C4orf50: variants seen among roughly 807,000 people sequenced by gnomAD.
C4orf50 encodes chromosome 4 open reading frame 50.
Under a neutral mutation model 77.2 loss-of-function variants are expected in C4orf50, and 80 were observed. The ratio of observed to expected loss-of-function variants is 1.04; its 90% CI spans 0.87 to 1.25. The LOEUF (loss-of-function observed/expected upper bound fraction) is 1.25. Ranked by LOEUF, C4orf50 falls within the 50% of genes most tolerant of loss-of-function variation. C4orf50 has a pLI of 0.00. For missense variants in C4orf50, 1,257 were observed against 1,152.9 expected, an observed-to-expected ratio of 1.09 and a Z score of -1.31; for synonymous variants, 532 against 465.3, an observed-to-expected ratio of 1.14 and a Z score of -1.84.
In C4orf50 at chr4:5,986,624, C is replaced by T. The variant is rs368839609; in HGVS notation, c.3699+1723G>A. ...CACAATCTCGGCTCACTGCAACCTC[C>T]GCCTCCCAGGTTCAAGCAATTCTCC... On this transcript the variant is annotated intron_variant, in intron 28 of 33. Coordinates refer to ENST00000531445, the Ensembl canonical transcript of C4orf50. Among the ~76,000 whole-genome samples, 8 of 151,618 alleles carry T rather than the reference C, an allele frequency of 5.3e-5. No individual in the cohort carries two copies. In the East Asian group the frequency reaches 5.8e-4, roughly 11 times the overall value.
At chr4:5,976,931 GTGGCCCTGAGGCCTTTGTGGGCC>G (rs1357756916) in intron 29 of C4orf50, among the ~76,000 whole-genome samples, 1 of 152,264 alleles carries the variant, frequency 6.6e-6, no homozygotes, top group African/African-American at 2.4e-5. Flanking sequence ...TGCAGTGGAA[GTGGCCCTGAGGCCTTTGTGGGCC>G]TGGCACTGAA....
intron 33 of C4orf50, among the ~76,000 whole-genome samples, chr4:5,964,700 A>T (rs1170860652): frequency 6.9e-6 from 1 of 144,636 alleles, no homozygotes; most frequent in Non-Finnish European, 1.5e-5. Flanking sequence ...ACCAGGAGGC[A>T]GAGGTTGCAG....
In C4orf50 at chr4:5,908,072, T is replaced by A. The variant is rs1016440911; in HGVS notation, c.*2475-9884A>T. 1.3e-5 allele frequency among the ~76,000 whole-genome samples: 2 copies of A among 151,588 alleles called. No individual in the cohort carries two copies. Among genetic ancestry groups the A allele is most frequent in the African/African-American group, 4.8e-5 (2 of 41,398 alleles). On this transcript the variant is annotated intron_variant, in intron 7 of 7. Transcript: ENST00000324058. This position sits in a 1 kb window ranked among gnomAD's most constrained non-coding sequence, Gnocchi z 5.6. Reference sequence around the variant, plus strand: ...TCATTCATTCATTCATTTGCTTGTTTATTCATTCACTCATTTATTTGCTCA... The same window carrying A: ...TCATTCATTCATTCATTTGCTTGTTAATTCATTCACTCATTTATTTGCTCA...
At chr4:5,979,286 T>A (rs1720443443) in intron 29 of C4orf50, among the ~76,000 whole-genome samples, 1 of 152,230 alleles carries the variant, frequency 6.6e-6, no homozygotes, top group South Asian at 2.1e-4. Flanking sequence ...GGAAACAACT[T>A]GAATTTCCAC....
chr4:5,958,291 G>C lies in C4orf50; in HGVS notation c.*1084C>G, dbSNP rs112890909. On this transcript the variant is annotated 3_prime_UTR_variant, in exon 34 of 34. Transcript: ENST00000531445. The surrounding 1 kb of genome is among the most constrained non-coding windows in gnomAD (Gnocchi z 5.4). The stretch of plus-strand genomic sequence containing the variant: ...ATTCGGGGCACGAGTCTCTGTTCTC[G>C]GTGGAAGGAAGGGGTGCTGGATGGG... 84 of 152,264 alleles carry C rather than the reference G, an allele frequency of 5.5e-4. No homozygotes were observed. Among genetic ancestry groups the C allele is most frequent in the African/African-American group, 2.0e-3 (81 of 41,530 alleles). The allele number at this position is 152,264 out of a possible 1,614,324, so 9.4% of individuals were successfully genotyped here. A position where few individuals can be genotyped will look rare whatever the true frequency, so the allele number is the denominator to read the frequency against.
In C4orf50 at chr4:6,000,089, A is replaced by AGTCACC. The variant is rs1721768073; in HGVS notation, c.964-5619_964-5614dup. 1.3e-5 allele frequency among the ~76,000 whole-genome samples: 2 copies of AGTCACC among 152,122 alleles called. No individual in the cohort carries two copies. Among genetic ancestry groups the AGTCACC allele is most frequent in the African/African-American group, 4.8e-5 (2 of 41,436 alleles). ...TGCTTATGGAGGGAGATCCTTTGAC[A>AGTCACC]GTCACCACTGTTGTCCAGAGCAAGG... is the stretch of plus-strand genomic sequence containing the variant. On this transcript the variant is annotated intron_variant, in intron 25 of 33. Transcript: ENST00000531445. The surrounding 1 kb of genome is among the most constrained non-coding windows in gnomAD (Gnocchi z 6.0).
chr4:5,926,316 T>C (rs1044113939), intron 7 of C4orf50, among the ~76,000 whole-genome samples: 2 of 151,986 alleles, frequency 1.3e-5, no homozygotes, highest in African/African-American at 4.8e-5. Flanking sequence ...AATGGGACGC[T>C]AGGTGAAAGG....
rs76304042 is a variant in C4orf50 at position 6,010,934 on chromosome 4, A to C, written c.426+896T>G. Among the ~76,000 whole-genome samples the C allele has an allele frequency of 7.2e-3, 1,095 of 152,342 alleles. 14 individuals are homozygous for C. The highest frequency in any genetic ancestry group is 0.025 in the African/African-American group (1,048 of 41,580). ...CACACAACAATCTGAGGGGATTGGTACTATATCATTCCCACTTCACAGATG... is the reference window on the plus strand; with the variant it reads ...CACACAACAATCTGAGGGGATTGGTCCTATATCATTCCCACTTCACAGATG... On this transcript the variant is annotated intron_variant, in intron 24 of 33. Transcript: ENST00000531445.
chr4:5,934,795 A>G (rs1044290783), intron 7 of C4orf50, among the ~76,000 whole-genome samples: 1 of 152,204 alleles, frequency 6.6e-6, no homozygotes, highest in South Asian at 2.1e-4. Context: ...GCCAACAGCT[A>G]TTATTGTGTA....
In C4orf50 at chr4:6,011,753, C is replaced by T. The variant is rs1722504289; in HGVS notation, c.426+77G>A. 2.5e-6 allele frequency: 1 copy of T among 398,746 alleles called. No homozygotes were observed. Among genetic ancestry groups the T allele is most frequent in the Non-Finnish European group, 4.4e-6 (1 of 226,136 alleles). The allele number at this position is 398,746 out of a possible 1,614,324, so 24.7% of individuals were successfully genotyped here. On this transcript the variant is annotated intron_variant, in intron 24 of 33. Coordinates refer to ENST00000531445, the Ensembl canonical transcript of C4orf50. The surrounding 1 kb of genome is among the most constrained non-coding windows in gnomAD (Gnocchi z 4.2). Reference sequence around the variant, plus strand: ...CAGGCCCACCCTGTACTGTCTTTGCCCAACTGCAGCTGCTGCTGAGTTCCC... The same window carrying T: ...CAGGCCCACCCTGTACTGTCTTTGCTCAACTGCAGCTGCTGCTGAGTTCCC...
intron 29 of C4orf50, among the ~76,000 whole-genome samples, chr4:5,977,601 G>C (rs1448364580): frequency 6.6e-6 from 1 of 152,028 alleles, no homozygotes; most frequent in Non-Finnish European, 1.5e-5. Context: ...CCAGTTCCTT[G>C]TTTATGGAAA....
At chr4:5,913,645 G>A (rs533428408) in intron 7 of C4orf50, among the ~76,000 whole-genome samples, 1 of 152,242 alleles carries the variant, frequency 6.6e-6, no homozygotes, top group African/African-American at 2.4e-5. Flanking sequence ...CAGGAGTCAG[G>A]GTCCCTTTGA....
At chr4:5,944,695 C>T (rs1718408577) in intron 7 of C4orf50, among the ~76,000 whole-genome samples, 1 of 152,054 alleles carries the variant, frequency 6.6e-6, no homozygotes, top group Admixed American at 6.5e-5. Context: ...TGCACCCACG[C>T]CCTTAAGGAG....
Position 5,989,176 on chromosome 4 carries a change from C to T in C4orf50, c.2870G>A (p.Arg957Lys), listed in dbSNP as rs1246676836. Residue 957 changes from arginine (R) to lysine (K), a missense_variant, in exon 28 of 34, where the codon AGA (arginine) becomes AAA (lysine). Arg to Lys is a conservative substitution (Grantham distance 26, BLOSUM62 2). Coordinates refer to ENST00000531445, the Ensembl canonical transcript of C4orf50. ...TCTCTCTCTTTCAAGGGCGCACACT[C>T]TTTCATGGAACCTCTCTTGGTCTCC... 3 of 1,536,000 alleles carry T rather than the reference C, an allele frequency of 2.0e-6. No homozygotes were observed. The African/African-American group carries it at 4.1e-5, about 21-fold the overall frequency.
rs1722763763 is a variant in C4orf50, at chr4:6,018,445, C to G, written c.-14G>C. ...TGTTGGCTCCATCTCAGAAATATTT[C>G]ATGGGGCAAGACTTAATAATAAAAT... On this transcript the variant is annotated 5_prime_UTR_variant, in exon 23 of 34. Transcript: ENST00000531445. This position sits in a 1 kb window ranked among gnomAD's most constrained non-coding sequence, Gnocchi z 5.1. The G allele has an allele frequency of 5.0e-6, 2 of 398,978 alleles. No homozygotes were observed. Among genetic ancestry groups the G allele is most frequent in the Non-Finnish European group, 8.8e-6 (2 of 226,064 alleles). The allele number at this position is 398,978 out of a possible 1,614,324, so 24.7% of individuals were successfully genotyped here. A position where few individuals can be genotyped will look rare whatever the true frequency, so the allele number is the denominator to read the frequency against.
chr4:5,969,564 C>A (rs1275313579), intron 31 of C4orf50, among the ~76,000 whole-genome samples: 2 of 151,954 alleles, frequency 1.3e-5, no homozygotes, highest in African/African-American at 4.8e-5. Context: ...ATGCCCAAGG[C>A]CCCTGGCTGC....
chr4:5,914,317 G>A (rs903208617), intron 7 of C4orf50, among the ~76,000 whole-genome samples: 2 of 141,328 alleles, frequency 1.4e-5, no homozygotes, highest in Non-Finnish European at 3.0e-5. Context: ...CCATTCTCCC[G>A]CCTCAGCCTC....
rs374200584 is a variant in C4orf50, at chr4:5,936,562, C to CAAAAAAAAAAA, written c.*2474+20328_*2474+20338dup. Reference sequence around the variant, plus strand: ...GGGCAACAATGGCAAGACGCCATCTCAAAAAAAAAAAAAAAAAAAAAGAAA... The same window carrying CAAAAAAAAAAA: ...GGGCAACAATGGCAAGACGCCATCTCAAAAAAAAAAAAAAAAAAAAAAAAAAAAAAAAGAAA... On this transcript the variant is annotated intron_variant, in intron 7 of 7. Transcript: ENST00000324058. Among the ~76,000 whole-genome samples the CAAAAAAAAAAA allele has an allele frequency of 4.8e-4, 36 of 75,362 alleles. 2 individuals are homozygous for CAAAAAAAAAAA. The highest frequency in any genetic ancestry group is 5.4e-4 in the Non-Finnish European group (23 of 42,970). 49.4% of individuals were successfully genotyped at this position (75,362 alleles called of 152,430 possible).
chr4:5,975,015 C>A lies in C4orf50; in HGVS notation c.3921+884G>T, dbSNP rs188381605. 7.5e-3 allele frequency among the ~76,000 whole-genome samples: 1,135 copies of A among 151,880 alleles called. 6 individuals are homozygous for A. Among genetic ancestry groups the A allele is most frequent in the Middle Eastern group, 0.014 (4 of 294 alleles). On this transcript the variant is annotated intron_variant, in intron 30 of 33. Coordinates refer to ENST00000531445, the Ensembl canonical transcript of C4orf50. ...ATTAGCCAAGTGTGGTGGCACATGC[C>A]TGTAATCCCAGCTACTTGGGAGGCT...
Sources: allele counts gnomAD v4.1 joint callset (sites outside exome capture counted in the v4.1 genomes callset), GRCh38; gene constraint gnomAD v4.1.1; non-coding constraint Gnocchi (gnomAD v3.1); transcripts MANE v1.5; gene names NCBI Gene and HGNC (gene_info 2026-07-23, HGNC 2026-07-21).